PRKN: variants seen among roughly 807,000 people sequenced by gnomAD.
PRKN encodes the protein E3 ubiquitin-protein ligase parkin.
PRKN carries 56 observed loss-of-function variants against 59.5 expected under a neutral mutation model. The observed-to-expected ratio is 0.94, with a 90% confidence interval of 0.76 to 1.18. PRKN has a LOEUF of 1.18. PRKN is among the 50% of genes most tolerant of loss of function. The pLI is 0.00. For missense variants in PRKN, 657 were observed against 596.4 expected, an observed-to-expected ratio of 1.10 and a Z score of -1.06; for synonymous variants, 250 against 222.1, an observed-to-expected ratio of 1.13 and a Z score of -1.12.
Position 162,606,878 on chromosome 6 carries a change from A to G in PRKN, c.7+120784T>C, listed in dbSNP as rs80080244. Among the ~76,000 whole-genome samples the G allele has an allele frequency of 8.0e-3, 1,210 of 152,106 alleles. 12 individuals carry two copies. Among genetic ancestry groups the G allele is most frequent in the East Asian group, 0.059 (306 of 5,162 alleles). On this transcript the variant is annotated intron_variant, in intron 1 of 11. Coordinates refer to ENST00000366898, the MANE Select transcript of PRKN (RefSeq NM_004562.3). Reference sequence around the variant, plus strand: ...ATTGCATATGTCATCACGGCTGGCTATTTTTTGTATTTTTAGTAGAGCCAG... The same window carrying G: ...ATTGCATATGTCATCACGGCTGGCTGTTTTTTGTATTTTTAGTAGAGCCAG...
At chr6:161,464,152 T>C (rs1397138276) in intron 9 of PRKN, among the ~76,000 whole-genome samples, 2 of 152,102 alleles carry the variant, frequency 1.3e-5, no homozygotes, top group African/African-American at 2.4e-5. Flanking sequence ...GTAGCTGGGA[T>C]TACAGGCATG....
Position 161,484,060 on chromosome 6 carries a change from C to T in PRKN, c.1083+64794G>A, listed in dbSNP as rs1330164647. On this transcript the variant is annotated intron_variant, in intron 9 of 11. Transcript: ENST00000366898. This position sits in a 1 kb window ranked among gnomAD's most constrained non-coding sequence, Gnocchi z 4.9. ...GGAGGGAGAGCATCAGGAAGAATACCTAATGGATGCTGGGCTTAATACCTA... is the reference window on the plus strand; with the variant it reads ...GGAGGGAGAGCATCAGGAAGAATACTTAATGGATGCTGGGCTTAATACCTA... Among the ~76,000 whole-genome samples, 1 of 152,076 alleles carries T rather than the reference C, an allele frequency of 6.6e-6. No homozygotes were observed. Among genetic ancestry groups the T allele is most frequent in the Non-Finnish European group, 1.5e-5 (1 of 68,018 alleles).
intron 2 of PRKN, among the ~76,000 whole-genome samples, chr6:162,379,755 G>A (rs2128140109): frequency 6.6e-6 from 1 of 152,288 alleles, no homozygotes; most frequent in Non-Finnish European, 1.5e-5. Context: ...ACAGTACATG[G>A]TATGAGCAGA....
rs1274747073 is a variant in PRKN at position 161,538,915 on chromosome 6, T to A, written c.1083+9939A>T. Among the ~76,000 whole-genome samples, 2 of 152,160 alleles carry A rather than the reference T, an allele frequency of 1.3e-5. No homozygotes were observed. Among genetic ancestry groups the A allele is most frequent in the Non-Finnish European group, 2.9e-5 (2 of 68,036 alleles). ...GGCTCCCTTGAACTCTGCCTAAATG[T>A]CATGAACAACAGGAATAACAGCAGG... is the stretch of plus-strand genomic sequence containing the variant. On this transcript the variant is annotated intron_variant, in intron 9 of 11. Transcript: ENST00000366898. The surrounding 1 kb of genome is among the most constrained non-coding windows in gnomAD (Gnocchi z 4.2).
chr6:161,500,966 C>T (rs911082420), intron 9 of PRKN, among the ~76,000 whole-genome samples: 3 of 150,518 alleles, frequency 2.0e-5, no homozygotes, highest in Non-Finnish European at 4.4e-5. Context: ...ACCTCCGCCT[C>T]CTGGGTTCAA....
At chr6:162,632,830 T>G (rs983068653) in intron 1 of PRKN, among the ~76,000 whole-genome samples, 1 of 152,116 alleles carries the variant, frequency 6.6e-6, no homozygotes, top group Admixed American at 6.5e-5. Context: ...GATACAAATG[T>G]AATTGGTAAT....
rs549036490 is a variant in PRKN, at chr6:161,399,603, G to A, written c.1084-12726C>T. Among the ~76,000 whole-genome samples the A allele has an allele frequency of 3.9e-5, 6 of 152,290 alleles. No homozygotes were observed. The South Asian group carries it at 1.2e-3, about 32-fold the overall frequency. On this transcript the variant is annotated intron_variant, in intron 9 of 11. Transcript: ENST00000366898. The surrounding 1 kb of genome is among the most constrained non-coding windows in gnomAD (Gnocchi z 4.4). The stretch of plus-strand genomic sequence containing the variant: ...GCCTGTTGCATGTCCTGCAACCGGG[G>A]TGGGTCAGGGAACTCTCCCGTTTCA...
At chr6:161,945,578 C>T (rs776181728) in intron 6 of PRKN, among the ~76,000 whole-genome samples, 2 of 152,146 alleles carry the variant, frequency 1.3e-5, no homozygotes, top group Non-Finnish European at 2.9e-5. Context: ...TAGGACTTAA[C>T]AGTAACCTAT....
rs73606376 is a variant in PRKN, at chr6:162,464,361, G to T, written c.8-20888C>A. On this transcript the variant is annotated intron_variant, in intron 1 of 11. Coordinates refer to ENST00000366898, the MANE Select transcript of PRKN (RefSeq NM_004562.3). ...CACTGCCCTGTAATTAAGTGATAAA[G>T]ATTTCATTCACTTTTCTAAGGTTTT... is the stretch of plus-strand genomic sequence containing the variant. Among the ~76,000 whole-genome samples, 615 of 152,156 alleles carry T rather than the reference G, an allele frequency of 4.0e-3. 8 individuals are homozygous for T. Among genetic ancestry groups the T allele is most frequent in the African/African-American group, 0.014 (588 of 41,534 alleles).
At chr6:162,315,202 T>C (rs2128119436) in intron 2 of PRKN, among the ~76,000 whole-genome samples, 1 of 152,306 alleles carries the variant, frequency 6.6e-6, no homozygotes, top group Non-Finnish European at 1.5e-5. Context: ...CTTATAGCCA[T>C]GAACTCTAAC....
intron 2 of PRKN, among the ~76,000 whole-genome samples, chr6:162,311,513 C>T (rs1172732722): frequency 1.7e-4 from 23 of 134,944 alleles, no homozygotes; most frequent in Non-Finnish European, 2.3e-4. Context: ...GACAGAGTCT[C>T]GCTCTGTCGC....
intron 6 of PRKN, among the ~76,000 whole-genome samples, chr6:161,958,555 T>C (rs941625409): frequency 6.6e-6 from 1 of 152,152 alleles, no homozygotes; most frequent in Non-Finnish European, 1.5e-5. Context: ...GTTGTTTTCA[T>C]TGTAATATGA....
At chr6:161,553,908 C>T (rs889975327) in intron 8 of PRKN, among the ~76,000 whole-genome samples, 1 of 152,194 alleles carries the variant, frequency 6.6e-6, no homozygotes, top group Admixed American at 6.5e-5. Context: ...GAAAATTACT[C>T]AGGTTCATCT....
At chr6:162,555,318 T>A (rs76209835) in intron 1 of PRKN, among the ~76,000 whole-genome samples, 1 of 152,174 alleles carries the variant, frequency 6.6e-6, no homozygotes, top group Non-Finnish European at 1.5e-5. Context: ...AAATATTCTT[T>A]GAACCAAGAT....
At chr6:161,364,407 G>A (rs545191772) in intron 10 of PRKN, among the ~76,000 whole-genome samples, 6 of 131,306 alleles carry the variant, frequency 4.6e-5, no homozygotes, top group East Asian at 4.6e-4. Context: ...GCAGTGAGCC[G>A]AGATCATACC....
chr6:162,348,126 C>T (rs923228058), intron 2 of PRKN, among the ~76,000 whole-genome samples: 1 of 152,158 alleles, frequency 6.6e-6, no homozygotes, highest in Non-Finnish European at 1.5e-5. Context: ...ATAACAGTGT[C>T]AGGGACCCAC....
chr6:162,416,891 T>A (rs1032931275), intron 2 of PRKN, among the ~76,000 whole-genome samples: 4 of 152,160 alleles, frequency 2.6e-5, no homozygotes, highest in African/African-American at 4.8e-5. Context: ...AAAGAAATTT[T>A]TTATTTAAAA....
At chr6:161,825,167 AAGAGGCAT>A (rs1347485189) in intron 6 of PRKN, among the ~76,000 whole-genome samples, 15 of 152,180 alleles carry the variant, frequency 9.9e-5, no homozygotes, top group African/African-American at 3.4e-4. Context: ...GTCATATGCC[AAGAGGCAT>A]ATGACCAAAA....
At chr6:162,591,960 C>T (rs1457330575) in intron 1 of PRKN, among the ~76,000 whole-genome samples, 1 of 150,646 alleles carries the variant, frequency 6.6e-6, no homozygotes, top group Non-Finnish European at 1.5e-5. Flanking sequence ...TACAGCTTCA[C>T]AGTTTACAAA....
Sources: gnomAD v4.1 joint callset for allele counts (sites outside exome capture counted in the v4.1 genomes callset) on GRCh38, gnomAD v4.1.1 for gene constraint, Gnocchi (gnomAD v3.1) non-coding constraint, MANE v1.5 for transcripts, NCBI Gene and HGNC (gene_info 2026-07-23, HGNC 2026-07-21) for gene names.